The following SRBD1 variants were observed in gnomAD, a reference collection of about 807,000 sequenced individuals.
The protein encoded by SRBD1 is S1 RNA binding domain 1.
SRBD1 carries 88 observed loss-of-function variants against 115.3 expected under a neutral mutation model. The ratio of observed to expected loss-of-function variants is 0.76; its 90% confidence interval spans 0.64 to 0.91. SRBD1 has a LOEUF of 0.91. Among genes scored for constraint, SRBD1 ranks in the 40% least tolerant of loss-of-function variants. SRBD1 has a pLI of 0.00. For synonymous variants in SRBD1, 509 were observed against 407.7 expected, an observed-to-expected ratio of 1.25 and a Z score of -2.99; for missense variants, 1,385 against 1,177.4, an observed-to-expected ratio of 1.18 and a Z score of -2.58.
At chr2:45,477,126 C>A (rs1329439425) in intron 15 of SRBD1, 51 bp from the exon 16 acceptor site, 2 of 1,442,344 alleles carry the variant, frequency 1.4e-6, no homozygotes, top group Admixed American at 1.7e-5. Flanking sequence ...AAAAGCAGTA[C>A]CTAATAATTA....
intron 16 of SRBD1, among the ~76,000 whole-genome samples, chr2:45,438,198 C>A (rs898805585): frequency 6.6e-6 from 1 of 152,116 alleles, no homozygotes; most frequent in Non-Finnish European, 1.5e-5. Context: ...AAAAAAATCC[C>A]TATATGATTC....
At chr2:45,423,985 G>C (rs1372707622) in intron 16 of SRBD1, among the ~76,000 whole-genome samples, 1 of 152,042 alleles carries the variant, frequency 6.6e-6, no homozygotes, top group East Asian at 1.9e-4. Context: ...TGCAAGAATA[G>C]TACTAAAACT....
chr2:45,422,792 A>G (rs1360583450), intron 16 of SRBD1, among the ~76,000 whole-genome samples: 1 of 152,200 alleles, frequency 6.6e-6, no homozygotes, highest in Non-Finnish European at 1.5e-5. Context: ...CTTTCAGTGT[A>G]TTTTTCAGAA....
intron 16 of SRBD1, among the ~76,000 whole-genome samples, chr2:45,446,768 T>C (rs1432832813): frequency 6.7e-6 from 1 of 150,344 alleles, no homozygotes; most frequent in East Asian, 1.9e-4. Context: ...ATTAAAAACA[T>C]AGGTCGCTCT....
intron 16 of SRBD1, among the ~76,000 whole-genome samples, chr2:45,440,481 A>G (rs1307241113): frequency 6.6e-6 from 1 of 152,202 alleles, no homozygotes; most frequent in East Asian, 1.9e-4. Context: ...CAAAGAAAAC[A>G]TTAGTATATC....
chr2:45,596,940 A>ACACC (rs763174039), intron 4 of SRBD1, among the ~76,000 whole-genome samples: 2 of 147,874 alleles, frequency 1.4e-5, no homozygotes, highest in East Asian at 2.0e-4. Context: ...ACACACACAC[A>ACACC]CACACACACA....
At chr2:45,415,688 GGAGAGGAGA>G (rs1667804749) in intron 18 of SRBD1, among the ~76,000 whole-genome samples, 2 of 1,756 alleles carry the variant, frequency 1.1e-3, no homozygotes, top group Admixed American at 8.7e-3. Context: ...GGAGGGGACG[GGAGAGGAGA>G]GGAGAGGAGA....
intron 17 of SRBD1, 48 bp downstream of exon 17, chr2:45,419,740 C>A (rs775675729): frequency 9.0e-6 from 14 of 1,557,226 alleles, no homozygotes; most frequent in Non-Finnish European, 1.2e-5. Flanking sequence ...GACTGGACAG[C>A]CAGTTAAACT....
intron 16 of SRBD1, among the ~76,000 whole-genome samples, chr2:45,468,079 C>T (rs143622772): frequency 0.012 from 1,898 of 152,214 alleles, 23 homozygotes; most frequent in Non-Finnish European, 0.016. Context: ...ATGCCCCATC[C>T]AAACTATCAT....
intron 17 of SRBD1, among the ~76,000 whole-genome samples, chr2:45,418,823 C>T (rs948577447): frequency 1.3e-5 from 2 of 152,104 alleles, no homozygotes; most frequent in African/African-American, 4.8e-5. Context: ...AAAAATGTTC[C>T]TTAGTTTTTC....
intron 16 of SRBD1, among the ~76,000 whole-genome samples, chr2:45,437,336 C>A (rs1668527295): frequency 7.7e-6 from 1 of 129,722 alleles, no homozygotes. Context: ...GCATAGTAAT[C>A]AAGACACTGC....
intron 15 of SRBD1, among the ~76,000 whole-genome samples, chr2:45,486,794 T>C (rs1234814793): frequency 2.6e-5 from 4 of 151,736 alleles, no homozygotes; most frequent in Non-Finnish European, 4.4e-5. Context: ...GTGGGGATAA[T>C]AATAAATACC....
chr2:45,404,672 GT>G (rs1336228794), intron 19 of SRBD1, among the ~76,000 whole-genome samples: 4 of 152,038 alleles, frequency 2.6e-5, no homozygotes, highest in Non-Finnish European at 5.9e-5. Flanking sequence ...AGTTTAACTG[GT>G]CTCCCTGCTT....
chr2:45,547,651 T>G, intron 12 of SRBD1, 39 bp from the exon 13 acceptor site: 3 of 1,536,898 alleles, frequency 2.0e-6, no homozygotes, highest in Non-Finnish European at 2.7e-6. Flanking sequence ...TTATAAGAAA[T>G]TACAAAGTGA....
At chr2:45,474,759 T>C (rs866412776) in intron 16 of SRBD1, among the ~76,000 whole-genome samples, 13 of 152,192 alleles carry the variant, frequency 8.5e-5, no homozygotes, top group Admixed American at 3.9e-4. Context: ...TCCCCATGCT[T>C]AGTATCTGTC....
chr2:45,476,378 G>A lies in SRBD1; in HGVS notation c.2049+615C>T, dbSNP rs530367894. Among the ~76,000 whole-genome samples the A allele has an allele frequency of 1.3e-4, 20 of 152,112 alleles. No homozygotes were observed. In the South Asian group the frequency reaches 4.1e-3, roughly 32 times the overall value. On this transcript the variant is annotated intron_variant, in intron 16 of 20. Coordinates refer to ENST00000263736, the MANE Select transcript of SRBD1 (RefSeq NM_018079.5). ...AAATCCCATAAAAATTATACAGAAG[G>A]AAATACTCTATTTCACATTTAATAG...
At chr2:45,571,173 G>A (rs1375720987) in intron 9 of SRBD1, among the ~76,000 whole-genome samples, 1 of 152,062 alleles carries the variant, frequency 6.6e-6, no homozygotes, top group Non-Finnish European at 1.5e-5. Flanking sequence ...GCTGTTAATG[G>A]CCTCACTAAG....
chr2:45,601,157 A>G (rs1395675225), intron 3 of SRBD1, among the ~76,000 whole-genome samples: 1 of 152,214 alleles, frequency 6.6e-6, no homozygotes, highest in African/African-American at 2.4e-5. Flanking sequence ...AAAACATTCA[A>G]TTGTGATTGT....
chr2:45,491,857 T>G (rs1379677951), intron 14 of SRBD1, among the ~76,000 whole-genome samples: 2 of 152,236 alleles, frequency 1.3e-5, no homozygotes, highest in African/African-American at 4.8e-5. Context: ...AGTCTCACTC[T>G]GTCGCCCAGG....
Sources: gnomAD v4.1 joint callset for allele counts (sites outside exome capture counted in the v4.1 genomes callset) on GRCh38, gnomAD v4.1.1 for gene constraint, MANE v1.5 for transcripts, NCBI Gene and HGNC (gene_info 2026-07-23, HGNC 2026-07-21) for gene names.